CDH18: variants seen among roughly 807,000 people sequenced by gnomAD.
CDH18 encodes cadherin-18.
CDH18 carries 31 observed loss-of-function variants against 67.9 expected under a neutral mutation model. The observed-to-expected ratio is 0.46, with a 90% CI of 0.34 to 0.62. The LOEUF is 0.62. CDH18 is among the 20% of genes least tolerant of loss of function. The pLI is 0.01. For synonymous variants in CDH18, 362 were observed against 347.2 expected (o/e 1.04, Z -0.48); for missense variants, 890 against 975.5 (o/e 0.91, Z 1.17).
intron 2 of CDH18, among the ~76,000 whole-genome samples, chr5:20,156,201 C>T (rs1232702178): frequency 1.3e-5 from 2 of 152,004 alleles, no homozygotes; most frequent in African/African-American, 4.8e-5. Context: ...AAAAATGGAA[C>T]TATCATTCAA....
intron 10 of CDH18, among the ~76,000 whole-genome samples, chr5:19,513,524 G>A (rs1388984079): frequency 6.6e-6 from 1 of 151,952 alleles, no homozygotes; most frequent in Non-Finnish European, 1.5e-5. Context: ...ACTAAGCTGT[G>A]AACTCTTCAA....
intron 1 of CDH18, among the ~76,000 whole-genome samples, chr5:20,556,034 C>G (rs925545947): frequency 6.6e-6 from 1 of 152,104 alleles, no homozygotes; most frequent in Non-Finnish European, 1.5e-5. Context: ...TCTTTTGTTT[C>G]CTTTACATTA....
intron 12 of CDH18, among the ~76,000 whole-genome samples, chr5:19,475,533 AACAC>A (rs143709369): frequency 1.1e-4 from 16 of 146,788 alleles, no homozygotes; most frequent in South Asian, 2.2e-4. Context: ...GACCATCTGC[AACAC>A]ACACACACAC....
intron 1 of CDH18, among the ~76,000 whole-genome samples, chr5:20,395,622 A>G (rs139906434): frequency 6.6e-6 from 1 of 152,310 alleles, no homozygotes; most frequent in East Asian, 1.9e-4. Context: ...AAAATTAAAT[A>G]TCTTTTATTA....
At chr5:20,065,382 A>T (rs150193974) in intron 2 of CDH18, among the ~76,000 whole-genome samples, 220 of 152,092 alleles carry the variant, frequency 1.4e-3, no homozygotes, top group African/African-American at 5.1e-3. Context: ...GTAATATAAA[A>T]GTAGATTTCC....
intron 5 of CDH18, among the ~76,000 whole-genome samples, chr5:19,659,398 C>A (rs190876374): frequency 9.9e-4 from 150 of 152,174 alleles, no homozygotes; most frequent in African/African-American, 3.4e-3. Flanking sequence ...ATATGTGGAT[C>A]TCATATTAAA....
chr5:20,119,151 A>G (rs1413119129), intron 2 of CDH18, among the ~76,000 whole-genome samples: 3 of 152,160 alleles, frequency 2.0e-5, no homozygotes, highest in African/African-American at 7.2e-5. Flanking sequence ...TCCATGAAAT[A>G]CTTAAATATT....
chr5:19,660,590 G>A (rs563601695), intron 5 of CDH18, among the ~76,000 whole-genome samples: 3 of 152,060 alleles, frequency 2.0e-5, no homozygotes, highest in South Asian at 2.1e-4. Flanking sequence ...TATACATTTC[G>A]GGCTGTACTA....
chr5:19,662,161 C>T (rs1485295836), intron 5 of CDH18, among the ~76,000 whole-genome samples: 3 of 148,868 alleles, frequency 2.0e-5, no homozygotes, highest in East Asian at 4.0e-4. Context: ...TTTTAAACAG[C>T]GTATATGTAC....
At chr5:20,251,286 C>A (rs1743838681) in intron 2 of CDH18, among the ~76,000 whole-genome samples, 1 of 151,796 alleles carries the variant, frequency 6.6e-6, no homozygotes, top group South Asian at 2.1e-4. Flanking sequence ...CATTCTGGGA[C>A]AGGAAGGTTG....
intron 1 of CDH18, among the ~76,000 whole-genome samples, chr5:20,356,847 A>G (rs1180567590): frequency 6.7e-6 from 1 of 148,456 alleles, no homozygotes; most frequent in Non-Finnish European, 1.5e-5. Flanking sequence ...ACACACATAT[A>G]TATACACACA....
At chr5:19,989,996 G>A (rs188042952), upstream of CDH18, among the ~76,000 whole-genome samples, 85 of 152,236 alleles carry the variant, frequency 5.6e-4, 1 homozygote, top group African/African-American at 1.1e-3. Flanking sequence ...ATTATATTGC[G>A]CATTATATAT....
At chr5:19,741,221 A>G (rs1769104132) in intron 4 of CDH18, among the ~76,000 whole-genome samples, 1 of 79,042 alleles carries the variant, frequency 1.3e-5, no homozygotes, top group African/African-American at 2.7e-5. Flanking sequence ...ATATGTATAT[A>G]TACATGTATA....
chr5:20,052,253 A>G (rs75401917), intron 2 of CDH18, among the ~76,000 whole-genome samples: 2 of 152,092 alleles, frequency 1.3e-5, no homozygotes, highest in East Asian at 3.9e-4. Flanking sequence ...GTGACATGGC[A>G]TGTCAGGACC....
chr5:19,705,014 C>G (rs535077742), intron 5 of CDH18, among the ~76,000 whole-genome samples: 1 of 152,298 alleles, frequency 6.6e-6, no homozygotes, highest in South Asian at 2.1e-4. Context: ...CTGCAGTAAA[C>G]AACCTGCAGC....
At chr5:20,554,526 T>C (rs550822098) in intron 1 of CDH18, among the ~76,000 whole-genome samples, 1 of 152,340 alleles carries the variant, frequency 6.6e-6, no homozygotes, top group Admixed American at 6.5e-5. Context: ...CTAAATCTAA[T>C]GACATTTTTA....
At position 20,482,981 on chromosome 5, in the gene CDH18, G is replaced by A. The variant is rs574492978; in HGVS notation, c.-580+92481C>T. Among the ~76,000 whole-genome samples, 3 of 152,092 alleles carry A rather than the reference G, an allele frequency of 2.0e-5. No individual in the cohort carries two copies. In the South Asian group the frequency reaches 6.2e-4, roughly 32 times the overall value. On this transcript the variant is annotated intron_variant, in intron 1 of 14. Transcript: ENST00000507958. ...AAATAGTATCCAATTTGGAAAGAAA[G>A]GAGTCAAATTATCCTTGTTTGTGGT...
intron 1 of CDH18, among the ~76,000 whole-genome samples, chr5:20,468,588 C>A (rs994428183): frequency 6.6e-6 from 1 of 152,082 alleles, no homozygotes; most frequent in Admixed American, 6.5e-5. Context: ...TCTACATTTC[C>A]CAATATTAAC....
chr5:19,669,308 T>C (rs1758419251), intron 5 of CDH18, among the ~76,000 whole-genome samples: 1 of 148,120 alleles, frequency 6.8e-6, no homozygotes, highest in African/African-American at 2.5e-5. Context: ...TATATATTTT[T>C]TGAGATGGAG....
Sources: gnomAD v4.1 joint callset for allele counts (sites outside exome capture counted in the v4.1 genomes callset) on GRCh38, gnomAD v4.1.1 for gene constraint, MANE v1.5 for transcripts, NCBI Gene and HGNC (gene_info 2026-07-23, HGNC 2026-07-21) for gene names.